The following BAZ2B variants were observed in gnomAD, a reference collection of about 807,000 sequenced individuals.
BAZ2B encodes the protein bromodomain adjacent to zinc finger domain 2B, also known as bromodomain adjacent to zinc finger domain protein 2B.
In BAZ2B, 91 loss-of-function variants were observed where a neutral mutation model predicts 246.0. That is an observed-to-expected ratio of 0.37 (90% CI 0.31 to 0.44). The LOEUF (loss-of-function observed/expected upper bound fraction) is 0.44, where lower values mean the gene tolerates loss of function less well. Ranked by LOEUF, BAZ2B falls within the 20% of genes least tolerant of loss-of-function variation. The probability of loss-of-function intolerance (pLI) is 1.00; values close to 1 mark genes in which losing one functional copy is unlikely to be tolerated. For missense variants in BAZ2B, 2,332 were observed against 2,533.7 expected (o/e 0.92, Z 1.71); for synonymous variants, 855 against 860.0 (o/e 0.99, Z 0.10).
chr2:159,485,634 G>T (rs975606293), intron 2 of BAZ2B, among the ~76,000 whole-genome samples: 20 of 151,970 alleles, frequency 1.3e-4, no homozygotes, highest in Admixed American at 2.6e-4. Context: ...AAAAAATTAT[G>T]AGATTGAATT....
chr2:159,637,247 C>G, the BAZ2B span, among the ~76,000 whole-genome samples: 1 of 152,184 alleles, frequency 6.6e-6, no homozygotes, highest in Admixed American at 6.5e-5. Flanking sequence ...TCTAAGGGTC[C>G]CTAAGTCCAG....
chr2:159,563,668 G>A (rs551143132), intron 1 of BAZ2B, among the ~76,000 whole-genome samples: 1 of 152,150 alleles, frequency 6.6e-6, no homozygotes, highest in Non-Finnish European at 1.5e-5. Context: ...AGGGACTAGG[G>A]GAAGGAGGAG....
chr2:159,575,688 T>C (rs1011749271), intron 1 of BAZ2B, among the ~76,000 whole-genome samples: 3 of 152,134 alleles, frequency 2.0e-5, no homozygotes, highest in Non-Finnish European at 2.9e-5. Flanking sequence ...CAAAACAATG[T>C]TGGTAGACTA....
At chr2:159,337,372 CAAG>C in intron 32 of BAZ2B, 192 bp downstream of exon 32, 20 of 1,357,874 alleles carry the variant, frequency 1.5e-5, no homozygotes, top group Non-Finnish European at 2.0e-5. Flanking sequence ...CACAGACATA[CAAG>C]AAGATACATA....
rs535473191 is a variant in BAZ2B at position 159,493,748 on chromosome 2, A to G, written c.-2-15027T>C. 4.6e-5 allele frequency among the ~76,000 whole-genome samples: 7 copies of G among 152,282 alleles called. No homozygotes were observed. In the East Asian group the frequency reaches 9.6e-4, roughly 21 times the overall value. ...CATTACATCTTTCATTACTTCTCAA[A>G]TGTTTCCACTGAAATATCCCTAGCA... On this transcript the variant is annotated intron_variant, in intron 2 of 36. Transcript: ENST00000392783.
intron 1 of BAZ2B, among the ~76,000 whole-genome samples, chr2:159,573,874 T>C (rs1684607384): frequency 6.6e-6 from 1 of 152,044 alleles, no homozygotes; most frequent in Non-Finnish European, 1.5e-5. Flanking sequence ...ACAAGGTAGG[T>C]AGATCGCTTG....
intron 16 of BAZ2B, among the ~76,000 whole-genome samples, chr2:159,403,085 T>G: frequency 6.6e-6 from 1 of 152,164 alleles, no homozygotes; most frequent in East Asian, 1.9e-4. Context: ...AAAATTGTCT[T>G]AAGGACTATC....
the BAZ2B span, among the ~76,000 whole-genome samples, chr2:159,677,177 T>A: frequency 6.6e-6 from 1 of 151,374 alleles, no homozygotes; most frequent in East Asian, 1.9e-4. Flanking sequence ...TATAGTTATA[T>A]GATAAAAATT....
At chr2:159,488,029 G>C (rs2080031465) in intron 2 of BAZ2B, among the ~76,000 whole-genome samples, 1 of 151,832 alleles carries the variant, frequency 6.6e-6, no homozygotes, top group Admixed American at 6.6e-5. Flanking sequence ...ACAGGCCACA[G>C]CCCAATTGGA....
chr2:159,620,246 A>G (rs573235370), upstream of BAZ2B, among the ~76,000 whole-genome samples: 14 of 152,336 alleles, frequency 9.2e-5, no homozygotes, highest in South Asian at 2.1e-4. Context: ...AGAAAAACAA[A>G]CGAGAGATCT....
chr2:159,390,232 C>G (rs1369609499), intron 20 of BAZ2B, among the ~76,000 whole-genome samples: 1 of 152,134 alleles, frequency 6.6e-6, no homozygotes, highest in African/African-American at 2.4e-5. Context: ...CTGATTATAT[C>G]TCTTCCTTGA....
intron 4 of BAZ2B, among the ~76,000 whole-genome samples, chr2:159,450,616 A>AAATTTAGT (rs778813375): frequency 5.3e-5 from 8 of 152,238 alleles, no homozygotes; most frequent in Non-Finnish European, 1.2e-4. Context: ...AAAATAAACA[A>AAATTTAGT]AATTTAGTCA....
the BAZ2B span, among the ~76,000 whole-genome samples, chr2:159,696,659 T>G: frequency 6.6e-5 from 10 of 152,248 alleles, no homozygotes; most frequent in Admixed American, 6.5e-4. Flanking sequence ...CCACCACAGC[T>G]TGCACAAAGG....
rs369980789 is a variant in BAZ2B at position 159,431,100 on chromosome 2, C to G, written c.1957G>C (p.Asp653His). ...CTATCTGATTCATCTTGGTCTTTAT[C>G]ATCATCATCTTCTTCTTCTGATCCT... is the stretch of plus-strand genomic sequence containing the variant. ...TEGSEEEDDD[D>H]KDQDESDSDT... Residue 653 changes from aspartate (D) to histidine (H), a missense_variant, in exon 10 of 37, where the codon GAT becomes CAT. Transcript: ENST00000392783. 7.9e-5 allele frequency: 127 copies of G among 1,613,234 alleles called. No individual in the cohort carries two copies. Among genetic ancestry groups the G allele is most frequent in the Non-Finnish European group, 9.9e-5 (117 of 1,179,292 alleles).
At chr2:159,357,238 A>C (rs930031369) in intron 27 of BAZ2B, among the ~76,000 whole-genome samples, 31 of 152,096 alleles carry the variant, frequency 2.0e-4, no homozygotes, top group Admixed American at 1.2e-3. Context: ...AAAAAAGGTT[A>C]GAGGAATGCT....
At chr2:159,667,045 T>C in the BAZ2B span, among the ~76,000 whole-genome samples, 1 of 151,366 alleles carries the variant, frequency 6.6e-6, no homozygotes, top group East Asian at 1.9e-4. Context: ...TATATACCTA[T>C]GTAACAAACC....
the BAZ2B span, among the ~76,000 whole-genome samples, chr2:159,652,925 C>A: frequency 1.6e-5 from 2 of 129,008 alleles, no homozygotes; most frequent in African/African-American, 6.0e-5. Context: ...ACCCAAATGT[C>A]CTTTTTTATT....
chr2:159,623,815 A>G, the BAZ2B span, among the ~76,000 whole-genome samples: 1 of 152,266 alleles, frequency 6.6e-6, no homozygotes, highest in Non-Finnish European at 1.5e-5. Flanking sequence ...TTTATAGCAA[A>G]AGCCTGGAAA....
chr2:159,348,918 A>G, intron 29 of BAZ2B, 85 bp from the exon 30 acceptor site: 1 of 1,550,616 alleles, frequency 6.4e-7, no homozygotes, highest in African/African-American at 1.4e-5. Context: ...TATTAACTAT[A>G]TATAGAACCA....
Sources: allele counts gnomAD v4.1 joint callset (sites outside exome capture counted in the v4.1 genomes callset), GRCh38; gene constraint gnomAD v4.1.1; transcripts MANE v1.5; gene names NCBI Gene and HGNC (gene_info 2026-07-23, HGNC 2026-07-21).